DLGAP2: variants seen among roughly 807,000 people sequenced by gnomAD.
DLGAP2 encodes disks large-associated protein 2.
In DLGAP2, 26 loss-of-function variants were observed where a neutral mutation model predicts 100.3. The ratio of observed to expected loss-of-function variants is 0.26; its 90% CI spans 0.19 to 0.36. The LOEUF (loss-of-function observed/expected upper bound fraction) is 0.36, where lower values mean the gene tolerates loss of function less well. Among genes scored for constraint, DLGAP2 ranks in the 10% least tolerant of loss-of-function variants. The pLI, the probability that DLGAP2 is intolerant of heterozygous loss-of-function variation, is 1.00. For synonymous variants in DLGAP2, 886 were observed against 630.1 expected, an observed-to-expected ratio of 1.41 and a Z score of -6.08; for missense variants, 1,858 against 1,453.2, an observed-to-expected ratio of 1.28 and a Z score of -4.53.
At chr8:1,668,242 C>T (rs1798594076) in intron 8 of DLGAP2, 87 bp from the exon 9 acceptor site, 4 of 1,283,616 alleles carry the variant, frequency 3.1e-6, no homozygotes, top group Non-Finnish European at 4.2e-6. Flanking sequence ...GCTCCGTCAA[C>T]CACAGGGCAT....
chr8:1,255,008 T>TCC (rs1799151459), intron 2 of DLGAP2, among the ~76,000 whole-genome samples: 83 of 33,840 alleles, frequency 2.5e-3, no homozygotes, highest in African/African-American at 5.9e-3. Flanking sequence ...TCATCCTGCT[T>TCC]GGGCGCTGTG....
At chr8:1,199,822 A>G (rs907975740) in intron 2 of DLGAP2, among the ~76,000 whole-genome samples, 8 of 148,282 alleles carry the variant, frequency 5.4e-5, no homozygotes, top group Non-Finnish European at 1.2e-4. Flanking sequence ...ATCAGTGAAG[A>G]GGGAAAAAAA....
At chr8:1,682,205 G>T (rs958222964) in intron 12 of DLGAP2, among the ~76,000 whole-genome samples, 4 of 152,120 alleles carry the variant, frequency 2.6e-5, no homozygotes, top group Admixed American at 2.6e-4. Context: ...CCTCAGCTGC[G>T]AAGACAGAGG....
intron 3 of DLGAP2, among the ~76,000 whole-genome samples, chr8:1,334,062 C>A (rs75385558): frequency 6.6e-5 from 10 of 152,256 alleles, no homozygotes; most frequent in Admixed American, 3.3e-4. Flanking sequence ...CACTGAGAGA[C>A]CCCTGTGCCC....
At chr8:1,628,633 C>A (rs1797567920) in intron 7 of DLGAP2, among the ~76,000 whole-genome samples, 2 of 144,430 alleles carry the variant, frequency 1.4e-5, no homozygotes, top group African/African-American at 5.3e-5. Flanking sequence ...CTTGAGCCGA[C>A]CTCACATTCT....
At chr8:754,828 G>A (rs1820883832) in intron 1 of DLGAP2, among the ~76,000 whole-genome samples, 1 of 152,062 alleles carries the variant, frequency 6.6e-6, no homozygotes, top group Admixed American at 6.5e-5. Flanking sequence ...GACAGAGTGA[G>A]ACCCTGTCTC....
chr8:1,419,029 C>T (rs971269768), intron 3 of DLGAP2, among the ~76,000 whole-genome samples: 4 of 152,252 alleles, frequency 2.6e-5, no homozygotes, highest in Non-Finnish European at 5.9e-5. Flanking sequence ...AGGCAGAGGC[C>T]AGGGCCATGT....
chr8:1,310,424 T>G (rs1302967182), intron 3 of DLGAP2, among the ~76,000 whole-genome samples: 1 of 152,194 alleles, frequency 6.6e-6, no homozygotes, highest in Admixed American at 6.5e-5. Context: ...TAATCATAGC[T>G]GGAGGCTGGA....
At chr8:957,418 GT>G (rs1799621382) in intron 2 of DLGAP2, among the ~76,000 whole-genome samples, 2 of 152,194 alleles carry the variant, frequency 1.3e-5, no homozygotes, top group Non-Finnish European at 2.9e-5. Context: ...TGGAAGCTGG[GT>G]TTAAAGCGTA....
At chr8:1,119,225 A>G (rs1795977498) in intron 2 of DLGAP2, among the ~76,000 whole-genome samples, 1 of 152,246 alleles carries the variant, frequency 6.6e-6, no homozygotes, top group South Asian at 2.1e-4. Context: ...TAAGACGTAA[A>G]TTTTAAGTAG....
At chr8:780,290 A>G (rs558237125) in intron 1 of DLGAP2, among the ~76,000 whole-genome samples, 2 of 152,196 alleles carry the variant, frequency 1.3e-5, no homozygotes, top group African/African-American at 4.8e-5. Flanking sequence ...AATGTCTTCC[A>G]GGCTCATTCA....
chr8:1,293,338 A>G (rs55983350), intron 3 of DLGAP2, among the ~76,000 whole-genome samples: 34,982 of 151,790 alleles, frequency 0.23, 4,118 homozygotes, highest in Middle Eastern at 0.26. Flanking sequence ...CGGCTGAGCC[A>G]TGGCTCCTTC....
At chr8:995,395 T>C (rs1449810026) in intron 2 of DLGAP2, among the ~76,000 whole-genome samples, 10 of 152,236 alleles carry the variant, frequency 6.6e-5, no homozygotes, top group Admixed American at 6.5e-4. Flanking sequence ...TTAAACATTT[T>C]ATTTCTTGAA....
intron 6 of DLGAP2, chr8:1,621,690 G>T (rs1797341979): frequency 6.6e-6 from 1 of 152,438 alleles, no homozygotes; most frequent in African/African-American, 2.4e-5. Flanking sequence ...CACCAGGAGG[G>T]CAGCCAAGCA....
chr8:970,252 G>A (rs934302844), intron 2 of DLGAP2, among the ~76,000 whole-genome samples: 1 of 152,214 alleles, frequency 6.6e-6, no homozygotes, highest in African/African-American at 2.4e-5. Context: ...TATAAAAATT[G>A]ATGGTGGGTT....
At chr8:765,384 G>A (rs140743046) in intron 1 of DLGAP2, among the ~76,000 whole-genome samples, 1 of 152,116 alleles carries the variant, frequency 6.6e-6, no homozygotes, top group African/African-American at 2.4e-5. Context: ...TTATGCGGTG[G>A]ATAGAAAACA....
rs116615372 is a variant in DLGAP2, at chr8:1,182,121, C to T, written c.74-76730C>T. ...CTTCAGCTCACAACAGCGTCTCCTC[C>T]GTGTTCTGTTCCTGAGGTGGCGAGT... On this transcript the variant is annotated intron_variant, in intron 2 of 14. Coordinates refer to ENST00000637795, the MANE Select transcript of DLGAP2 (RefSeq NM_001346810.2). 6.1e-3 allele frequency among the ~76,000 whole-genome samples: 933 copies of T among 152,352 alleles called. 13 individuals are homozygous for T. Among genetic ancestry groups the T allele is most frequent in the African/African-American group, 0.021 (882 of 41,580 alleles).
At chr8:1,290,805 A>C (rs1800040600) in intron 3 of DLGAP2, among the ~76,000 whole-genome samples, 1 of 152,248 alleles carries the variant, frequency 6.6e-6, no homozygotes, top group African/African-American at 2.4e-5. Context: ...AGCTGTCAAC[A>C]TAAACAATAC....
intron 2 of DLGAP2, among the ~76,000 whole-genome samples, chr8:934,977 C>T (rs1374400364): frequency 6.6e-6 from 1 of 152,208 alleles, no homozygotes; most frequent in Non-Finnish European, 1.5e-5. Flanking sequence ...CGTTTCCAAA[C>T]CCTCTGAGTG....
Sources: gnomAD v4.1 joint callset for allele counts (sites outside exome capture counted in the v4.1 genomes callset) on GRCh38, gnomAD v4.1.1 for gene constraint, MANE v1.5 for transcripts, NCBI Gene and HGNC (gene_info 2026-07-23, HGNC 2026-07-21) for gene names.